Variants in MECOM observed in about 807,000 individuals in gnomAD.
MECOM encodes histone-lysine N-methyltransferase MECOM.
Under a neutral mutation model 116.3 loss-of-function variants are expected in MECOM, and 13 were observed. The observed-to-expected ratio is 0.11, with a 90% CI of 0.07 to 0.18. The LOEUF (loss-of-function observed/expected upper bound fraction) is 0.18, where lower values mean the gene tolerates loss of function less well. Among genes scored for constraint, MECOM ranks in the 10% least tolerant of loss-of-function variants. The pLI, the probability that MECOM is intolerant of heterozygous loss-of-function variation, is 1.00. For synonymous variants in MECOM, 528 were observed against 535.2 expected (o/e 0.99, Z 0.19); for missense variants, 1,299 against 1,509.0 (o/e 0.86, Z 2.31).
chr3:169,607,508 T>A (rs1349635584), intron 1 of MECOM, among the ~76,000 whole-genome samples: 1 of 152,252 alleles, frequency 6.6e-6, no homozygotes, highest in East Asian at 1.9e-4. Context: ...TTTATTTTTC[T>A]CCTACCACTA....
At chr3:169,442,118 G>T (rs886775161) in intron 1 of MECOM, among the ~76,000 whole-genome samples, 1 of 152,042 alleles carries the variant, frequency 6.6e-6, no homozygotes, top group Non-Finnish European at 1.5e-5. Flanking sequence ...TAGAGACAGG[G>T]TTTCACCATT....
intron 1 of MECOM, among the ~76,000 whole-genome samples, chr3:169,508,842 A>C (rs531508565): frequency 6.6e-6 from 1 of 152,308 alleles, no homozygotes; most frequent in African/African-American, 2.4e-5. Flanking sequence ...TTTTTAAAAC[A>C]ATTACTTAAC....
intron 2 of MECOM, among the ~76,000 whole-genome samples, chr3:169,207,373 T>C (rs1051441580): frequency 6.6e-6 from 1 of 151,976 alleles, no homozygotes; most frequent in Admixed American, 6.6e-5. Context: ...ACAGTAAGAG[T>C]TGAGGTTAAG....
At chr3:169,466,054 TG>T (rs1748253232) in intron 1 of MECOM, among the ~76,000 whole-genome samples, 1 of 152,010 alleles carries the variant, frequency 6.6e-6, no homozygotes, top group South Asian at 2.1e-4. Context: ...ATTCTAAAGT[TG>T]TATTTTGTTG....
chr3:169,511,393 G>A (rs1235687354), intron 1 of MECOM, among the ~76,000 whole-genome samples: 2 of 152,202 alleles, frequency 1.3e-5, no homozygotes, highest in African/African-American at 4.8e-5. Context: ...GTGGTGGAAA[G>A]TTCAGGCTAA....
At chr3:169,520,113 G>A (rs1051200669) in intron 1 of MECOM, among the ~76,000 whole-genome samples, 1 of 152,234 alleles carries the variant, frequency 6.6e-6, no homozygotes, top group East Asian at 1.9e-4. Flanking sequence ...GAGATGATCT[G>A]AGAATGTAAC....
chr3:169,313,153 T>A (rs1719109411), intron 2 of MECOM, among the ~76,000 whole-genome samples: 1 of 152,092 alleles, frequency 6.6e-6, no homozygotes, highest in African/African-American at 2.4e-5. Flanking sequence ...AATGAATAAC[T>A]GAGTCAAAGT....
At chr3:169,108,447 G>T (rs1422787106) in intron 9 of MECOM, among the ~76,000 whole-genome samples, 4 of 152,100 alleles carry the variant, frequency 2.6e-5, no homozygotes, top group African/African-American at 9.7e-5. Flanking sequence ...ATTAGCATAG[G>T]ACTCAGACCA....
intron 2 of MECOM, among the ~76,000 whole-genome samples, chr3:169,334,767 C>T (rs1433209028): frequency 6.6e-6 from 1 of 152,122 alleles, no homozygotes; most frequent in Non-Finnish European, 1.5e-5. Flanking sequence ...TAAATAATCA[C>T]ATGTATCCCT....
intron 1 of MECOM, among the ~76,000 whole-genome samples, chr3:169,426,333 A>G (rs1740682302): frequency 6.6e-6 from 1 of 152,214 alleles, no homozygotes; most frequent in South Asian, 2.1e-4. Context: ...CTAGTGACAC[A>G]GTTCAGTGGG....
At chr3:169,092,833 T>C (rs918354731) in intron 14 of MECOM, 125 bp downstream of exon 14, 2 of 1,068,382 alleles carry the variant, frequency 1.9e-6, no homozygotes, top group Non-Finnish European at 2.7e-6. Context: ...TAATATGTAC[T>C]AAATATATAC....
At chr3:169,440,066 A>G (rs915105176) in intron 1 of MECOM, among the ~76,000 whole-genome samples, 4 of 152,194 alleles carry the variant, frequency 2.6e-5, no homozygotes, top group Non-Finnish European at 5.9e-5. Context: ...AGTAAGGCAG[A>G]AGAATGAAAT....
At chr3:169,424,445 C>T (rs968761836) in intron 1 of MECOM, among the ~76,000 whole-genome samples, 16 of 152,066 alleles carry the variant, frequency 1.1e-4, no homozygotes, top group African/African-American at 3.1e-4. Context: ...AACAAGTTGG[C>T]GGTCCATCTC....
At chr3:169,597,757 A>G (rs908781442) in intron 1 of MECOM, among the ~76,000 whole-genome samples, 4 of 152,192 alleles carry the variant, frequency 2.6e-5, no homozygotes, top group African/African-American at 9.7e-5. Context: ...GTGAAGTGGC[A>G]AAACAGCTCA....
chr3:169,575,060 T>C (rs77907925), intron 1 of MECOM, among the ~76,000 whole-genome samples: 9,713 of 152,156 alleles, frequency 0.064, 668 homozygotes, highest in African/African-American at 0.17. Flanking sequence ...CAGACCCTTC[T>C]TAACTAGTAA....
At chr3:169,539,668 C>A (rs1368973425) in intron 1 of MECOM, among the ~76,000 whole-genome samples, 1 of 152,148 alleles carries the variant, frequency 6.6e-6, no homozygotes, top group African/African-American at 2.4e-5. Context: ...TAACAGCTCC[C>A]AGCTGATCCC....
intron 1 of MECOM, among the ~76,000 whole-genome samples, chr3:169,423,023 T>G (rs1740026281): frequency 6.6e-6 from 1 of 152,078 alleles, no homozygotes; most frequent in African/African-American, 2.4e-5. Flanking sequence ...TGTCTACTAG[T>G]GCTTCCCAAA....
chr3:169,178,847 C>T (rs552571412), intron 2 of MECOM, among the ~76,000 whole-genome samples: 75 of 152,140 alleles, frequency 4.9e-4, no homozygotes, highest in Non-Finnish European at 8.1e-4. Flanking sequence ...ATAACTGTCT[C>T]TTTTGTGAGG....
At chr3:169,417,239 A>G (rs1420015956) in intron 1 of MECOM, among the ~76,000 whole-genome samples, 1 of 150,432 alleles carries the variant, frequency 6.6e-6, no homozygotes, top group Non-Finnish European at 1.5e-5. Context: ...AGAATCTACA[A>G]TGAACTCAAA....
Sources: gnomAD v4.1 joint callset for allele counts (sites outside exome capture counted in the v4.1 genomes callset) on GRCh38, gnomAD v4.1.1 for gene constraint, MANE v1.5 for transcripts, NCBI Gene and HGNC (gene_info 2026-07-23, HGNC 2026-07-21) for gene names.